The following MEX3C variants were observed in gnomAD, a reference collection of about 807,000 sequenced individuals.
MEX3C encodes the protein RNA-binding E3 ubiquitin-protein ligase MEX3C.
A neutral mutation model predicts 35.5 loss-of-function variants in MEX3C; 15 were observed. That is an observed-to-expected ratio of 0.42 (90% CI 0.28 to 0.65). The LOEUF (loss-of-function observed/expected upper bound fraction) is 0.65, where lower values mean the gene tolerates loss of function less well. MEX3C is among the 30% of genes least tolerant of loss of function. MEX3C has a pLI of 0.20. For missense variants in MEX3C, 711 were observed against 842.8 expected, an observed-to-expected ratio of 0.84 and a Z score of 1.94; for synonymous variants, 390 against 352.8, an observed-to-expected ratio of 1.11 and a Z score of -1.18.
rs1178898597 is a variant in MEX3C at position 51,176,673 on chromosome 18, T to C, written c.1658A>G (p.Glu553Gly). The C allele has an allele frequency of 1.2e-6, 2 of 1,613,830 alleles. No individual in the cohort carries two copies. The highest frequency in any genetic ancestry group is 1.3e-5 in the African/African-American group (1 of 74,890). Residue 553 changes from glutamate to glycine, a missense_variant, in exon 2 of 2, where the codon GAA becomes GGA. By Grantham distance (98) the Glu-to-Gly change is moderately conservative (BLOSUM62 -2). This residue lies in a region of MEX3C where 87 missense variants were observed against 150.4 expected (regional missense o/e 0.58). Coordinates refer to ENST00000406189, the MANE Select transcript of MEX3C (RefSeq NM_016626.5). ...CCTAACCCTCCGAGCAAGTGGATGT[T>C]CTATGCTCTCAGGAAATGTAGGAGA... The part of the protein sequence containing the change: ...RLSPTFPESI[E>G]HPLARRVRSD...
Position 51,196,603 on chromosome 18 carries a change from T to A in MEX3C, c.718A>T (p.Ser240Cys). 6.3e-7 allele frequency: 1 copy of A among 1,593,682 alleles called. No individual in the cohort carries two copies. The highest frequency in any genetic ancestry group is 8.5e-7 in the Non-Finnish European group (1 of 1,175,292). The change falls in exon 1 of 2, where the codon AGC becomes TGC. Residue 240 changes from serine to cysteine, a missense_variant. Ser to Cys is a moderately radical substitution (Grantham distance 112). Around this residue, in one of 4 missense-constraint regions of MEX3C, gnomAD observed 354 missense variants for 311.6 expected, o/e 1.14. Coordinates refer to ENST00000406189, the MANE Select transcript of MEX3C (RefSeq NM_016626.5). Reference protein sequence around the residue: ...VNTTECVPVPSSEHVAEIVGR... With the variant: ...VNTTECVPVPCSEHVAEIVGR... ...ACGATCTCGGCGACGTGCTCGGAGC[T>A]GGGCACCGGGACGCACTCGGTGGTG...
intron 1 of MEX3C, 150 bp downstream of exon 1, chr18:51,196,417 T>C (rs966931913): frequency 3.5e-6 from 5 of 1,413,980 alleles, no homozygotes; most frequent in Non-Finnish European, 4.6e-6. Flanking sequence ...CATCTTCACA[T>C]CTGGTCGACC....
chr18:51,194,518 C>T (rs1390498625), intron 1 of MEX3C: 1 of 152,014 alleles, frequency 6.6e-6, no homozygotes, highest in African/African-American at 2.4e-5. Flanking sequence ...TTTTAAAAAA[C>T]TGATTTCTAT....
At chr18:51,192,145 A>G (rs1912664830) in intron 1 of MEX3C, among the ~76,000 whole-genome samples, 3 of 152,144 alleles carry the variant, frequency 2.0e-5, no homozygotes, top group Non-Finnish European at 4.4e-5. Context: ...CTAACAGACT[A>G]ACACAAATAC....
chr18:51,193,019 A>T (rs1358125760), intron 1 of MEX3C: 1 of 152,230 alleles, frequency 6.6e-6, no homozygotes, highest in African/African-American at 2.4e-5. Flanking sequence ...ACAGACGTAT[A>T]AACCCTATTT....
At chr18:51,189,919 G>T (rs1912619086) in intron 1 of MEX3C, among the ~76,000 whole-genome samples, 1 of 152,004 alleles carries the variant, frequency 6.6e-6, no homozygotes, top group South Asian at 2.1e-4. Context: ...TATAGCCTAC[G>T]AAAAACTTAC....
rs770740617 is a variant in MEX3C at position 51,177,380 on chromosome 18, T to G, written c.951A>C (p.Leu317Phe). ...RNKNGPALGG[L>F]SCSPNLPGQT... ...GACCGGGCAGATTAGGACTACATGA[T>G]AATCCTCCCAGGGCAGGCCCATTTT... is the stretch of plus-strand genomic sequence containing the variant. The change falls in exon 2 of 2, where the codon TTA (leucine) becomes TTC (phenylalanine). Residue 317 changes from leucine (L) to phenylalanine (F), a missense_variant. By Grantham distance (22) the Leu-to-Phe change is conservative (BLOSUM62 0). Transcript: ENST00000406189. The surrounding 1 kb of genome is among the most constrained non-coding windows in gnomAD (Gnocchi z 4.2). The G allele has an allele frequency of 1.4e-5, 22 of 1,613,906 alleles. No individual in the cohort carries two copies. The highest frequency in any genetic ancestry group is 3.3e-4 in the Middle Eastern group (2 of 6,082).
At position 51,196,598 on chromosome 18, in the gene MEX3C, G is replaced by A. The variant is rs1478172361; in HGVS notation, c.723C>T (p.Ser241=). The stretch of plus-strand genomic sequence containing the variant: ...GGCCGACGATCTCGGCGACGTGCTC[G>A]GAGCTGGGCACCGGGACGCACTCGG... ...NTTECVPVPS[S]EHVAEIVGRQ... Residue 241 remains serine, a synonymous_variant, in exon 1 of 2, where the codon TCC becomes TCT. Transcript: ENST00000406189. The A allele has an allele frequency of 3.8e-6, 6 of 1,593,374 alleles. No individual in the cohort carries two copies. The East Asian group carries it at 1.1e-4, about 30-fold the overall frequency.
At chr18:51,189,636 A>C (rs1038696463) in intron 1 of MEX3C, among the ~76,000 whole-genome samples, 10 of 152,190 alleles carry the variant, frequency 6.6e-5, no homozygotes, top group Non-Finnish European at 1.3e-4. Context: ...ACCTGAAAGA[A>C]AAAACCAGAA....
Position 51,196,835 on chromosome 18 carries a change from C to T in MEX3C, c.486G>A (p.Leu162=). ...TGGCGGCTGGCAGCAGCACAGACCC[C>T]AGGGACCCGCCCGGGATCTGCTGGG... ...SQTQQIPGGS[L]GSVLLPAARF... Residue 162 remains leucine, a synonymous_variant, in exon 1 of 2, where the codon CTG becomes CTA. Coordinates refer to ENST00000406189, the MANE Select transcript of MEX3C (RefSeq NM_016626.5). 2 of 1,536,534 alleles carry T rather than the reference C, an allele frequency of 1.3e-6. No homozygotes were observed. The highest frequency in any genetic ancestry group is 1.4e-5 in the African/African-American group (1 of 72,230).
Position 51,176,473 on chromosome 18 carries a change from G to C in MEX3C, c.1858C>G (p.Leu620Val), listed in dbSNP as rs1599248540. Residue 620 changes from leucine (L) to valine (V), a missense_variant, in exon 2 of 2, where the codon CTA becomes GTA. This residue lies in a region of MEX3C where 87 missense variants were observed against 150.4 expected (regional missense o/e 0.58). Coordinates refer to ENST00000406189, the MANE Select transcript of MEX3C (RefSeq NM_016626.5). Reference sequence around the variant, plus strand: ...AAGAGGTTGTGGCCACATGGAACTAGGGCAGCAATAACCTCATTCTCAAAG... The same window carrying C: ...AAGAGGTTGTGGCCACATGGAACTACGGCAGCAATAACCTCATTCTCAAAG... ...ICFENEVIAALVPCGHNLFCM... is the reference protein window; with the variant it reads ...ICFENEVIAAVVPCGHNLFCM... 6.2e-7 allele frequency: 1 copy of C among 1,613,978 alleles called. No homozygotes were observed. Among genetic ancestry groups the C allele is most frequent in the Non-Finnish European group, 8.5e-7 (1 of 1,179,902 alleles).
At chr18:51,186,875 T>G (rs944258526) in intron 1 of MEX3C, among the ~76,000 whole-genome samples, 2 of 152,218 alleles carry the variant, frequency 1.3e-5, no homozygotes, top group South Asian at 2.1e-4. Flanking sequence ...AAATACAAGG[T>G]GACTAAAGAA....
At position 51,177,118 on chromosome 18, in the gene MEX3C, T is replaced by C. The variant is rs1195343041; in HGVS notation, c.1213A>G (p.Asn405Asp). Residue 405 changes from asparagine (N) to aspartate (D), a missense_variant, in exon 2 of 2, where the codon AAT (asparagine) becomes GAT (aspartate). This residue lies in a region of MEX3C where 187 missense variants were observed against 201.7 expected (regional missense o/e 0.93). Coordinates refer to ENST00000406189, the MANE Select transcript of MEX3C (RefSeq NM_016626.5). This position sits in a 1 kb window ranked among gnomAD's most constrained non-coding sequence, Gnocchi z 4.2. ...TCGGTACCATTGTAATGGAAATCAT[T>C]CTCTTCATTGAGCTCTATATAGTTT... ...TGNYIELNEE[N>D]DFHYNGTDVS... 2 of 1,613,812 alleles carry C rather than the reference T, an allele frequency of 1.2e-6. No homozygotes were observed. The highest frequency in any genetic ancestry group is 1.7e-6 in the Non-Finnish European group (2 of 1,179,894).
intron 1 of MEX3C, chr18:51,195,800 A>C (rs1170707631): frequency 6.6e-6 from 1 of 152,226 alleles, no homozygotes; most frequent in Non-Finnish European, 1.5e-5. Flanking sequence ...GTCTGTCTGC[A>C]GTACTGGTGT....
chr18:51,183,077 T>TAC (rs1449393664), intron 1 of MEX3C, among the ~76,000 whole-genome samples: 2 of 152,212 alleles, frequency 1.3e-5, no homozygotes, highest in Non-Finnish European at 2.9e-5. Context: ...GATCTGACTT[T>TAC]ACAGATGAAA....
intron 1 of MEX3C, 179 bp downstream of exon 1, chr18:51,196,388 G>A (rs558633047): frequency 7.5e-7 from 1 of 1,338,418 alleles, no homozygotes; most frequent in East Asian, 2.8e-5. Flanking sequence ...GGAAAAGCGT[G>A]GGTTTTCGCA....
In MEX3C at chr18:51,197,270, G is replaced by C; in HGVS notation, c.51C>G (p.Pro17=). The C allele has an allele frequency of 2.3e-6, 2 of 876,418 alleles. No individual in the cohort carries two copies. Among genetic ancestry groups the C allele is most frequent in the Non-Finnish European group, 2.7e-6 (2 of 732,890 alleles). The allele number at this position is 876,418 out of a possible 1,614,324, so 54.3% of individuals were successfully genotyped here. A position where few individuals can be genotyped will look rare whatever the true frequency, so the allele number is the denominator to read the frequency against. Reference sequence around the variant, plus strand: ...GCGGCGGCGGGGGCGGCTGCGGCAGGGGGGCCGGGGCCGCCGCCAGGGCCA... The same window carrying C: ...GCGGCGGCGGGGGCGGCTGCGGCAGCGGGGCCGGGGCCGCCGCCAGGGCCA... ...AALALAAAPA[P]LPQPPPPPPP... The change falls in exon 1 of 2, where the codon CCC becomes CCG. Residue 17 remains proline, a synonymous_variant. Coordinates refer to ENST00000406189, the MANE Select transcript of MEX3C (RefSeq NM_016626.5).
intron 1 of MEX3C, chr18:51,196,364 C>A: frequency 8.2e-7 from 1 of 1,222,168 alleles, no homozygotes; most frequent in Non-Finnish European, 1.1e-6. Context: ...CACTTTTTAC[C>A]AGGCAAGACG....
At chr18:51,178,435 G>T (rs531231267) in intron 1 of MEX3C, among the ~76,000 whole-genome samples, 1 of 151,654 alleles carries the variant, frequency 6.6e-6, no homozygotes, top group East Asian at 1.9e-4. Flanking sequence ...AGATTAGAGG[G>T]CTTCAAACTG....
Sources: gnomAD v4.1 joint callset for allele counts (sites outside exome capture counted in the v4.1 genomes callset) on GRCh38, gnomAD v4.1.1 for gene constraint, gnomAD v4.1.1 regional missense constraint, Gnocchi (gnomAD v3.1) non-coding constraint, MANE v1.5 for transcripts, NCBI Gene and HGNC (gene_info 2026-07-23, HGNC 2026-07-21) for gene names.